IGF2BP1: variants seen among roughly 807,000 people sequenced by gnomAD.
IGF2BP1 encodes insulin like growth factor 2 mRNA binding protein 1.
A neutral mutation model predicts 74.9 loss-of-function variants in IGF2BP1; 11 were observed. That is an observed-to-expected ratio of 0.15 (90% CI 0.09 to 0.24). IGF2BP1 has a LOEUF of 0.24. IGF2BP1 is among the 10% of genes least tolerant of loss of function. The pLI is 1.00. For missense variants in IGF2BP1, 440 were observed against 757.4 expected, an observed-to-expected ratio of 0.58 and a Z score of 4.92; for synonymous variants, 287 against 281.8, an observed-to-expected ratio of 1.02 and a Z score of -0.18.
At chr17:49,019,300 G>A (rs76847569) in intron 2 of IGF2BP1, among the ~76,000 whole-genome samples, 8,263 of 152,106 alleles carry the variant, frequency 0.054, 285 homozygotes, top group Non-Finnish European at 0.086. Flanking sequence ...CTCCCTTGGA[G>A]CCCAAGCCCT....
chr17:49,043,502 G>A lies in IGF2BP1; in HGVS notation c.1152G>A (p.Pro384=), dbSNP rs1215165292. The change falls in exon 10 of 15, where the codon CCG becomes CCA. Residue 384 remains proline, a synonymous_variant. Coordinates refer to ENST00000290341, the MANE Select transcript of IGF2BP1 (RefSeq NM_006546.4). ...TCCCAGCTTCATCCAGCGCAGTCCC[G>A]CCGCCTCCCAGCAGCGTTACTGGGG... is the stretch of plus-strand genomic sequence containing the variant. ...GLFPASSSAV[P]PPPSSVTGAA... is the part of the protein sequence containing the mutation. 11 of 1,614,070 alleles carry A rather than the reference G, an allele frequency of 6.8e-6. No homozygotes were observed. Among genetic ancestry groups the A allele is most frequent in the South Asian group, 2.2e-5 (2 of 91,066 alleles).
chr17:49,035,877 C>A (rs533696334), intron 5 of IGF2BP1, among the ~76,000 whole-genome samples: 3 of 152,202 alleles, frequency 2.0e-5, no homozygotes, highest in African/African-American at 4.8e-5. Context: ...AAAGCCCCAA[C>A]TGGCTGGAAG....
At chr17:49,049,282 G>GACC in intron 14 of IGF2BP1, 70 bp from the exon 15 acceptor site, 1 of 1,288,706 alleles carries the variant, frequency 7.8e-7, no homozygotes, top group Non-Finnish European at 1.1e-6. Flanking sequence ...TGGACCTGAT[G>GACC]ACCTCTCTTC....
At chr17:49,003,994 A>G (rs1220945550) in intron 2 of IGF2BP1, among the ~76,000 whole-genome samples, 1 of 151,754 alleles carries the variant, frequency 6.6e-6, no homozygotes, top group Non-Finnish European at 1.5e-5. Context: ...AGAGAGAGAG[A>G]AAGTGGCGGC....
At chr17:49,043,077 G>A (rs770266734) in intron 9 of IGF2BP1, among the ~76,000 whole-genome samples, 1 of 152,074 alleles carries the variant, frequency 6.6e-6, no homozygotes, top group African/African-American at 2.4e-5. Context: ...CTGTCTCCAC[G>A]CCTTTTTCTC....
chr17:49,038,037 G>C lies in IGF2BP1; in HGVS notation c.402-131G>C, dbSNP rs1045168851. 5.9e-5 allele frequency: 43 copies of C among 724,540 alleles called. No individual in the cohort carries two copies. In the African/African-American group the frequency reaches 6.0e-4, roughly 10 times the overall value. The allele number at this position is 724,540 out of a possible 1,614,324, so 44.9% of individuals were successfully genotyped here. A position where few individuals can be genotyped will look rare whatever the true frequency, so the allele number is the denominator to read the frequency against. On this transcript the variant is annotated intron_variant, in intron 5 of 14. Coordinates refer to ENST00000290341, the MANE Select transcript of IGF2BP1 (RefSeq NM_006546.4). ...GTTGTGAAAAATGGAGGTGGAGGTA[G>C]TGGGCAGGTGACTATCTCCTTTTCT...
chr17:49,042,138 C>A, intron 8 of IGF2BP1, 104 bp from the exon 9 acceptor site: 1 of 1,452,616 alleles, frequency 6.9e-7, no homozygotes, highest in Admixed American at 2.0e-5. Flanking sequence ...GAATAGGCTG[C>A]AGAAATGGTG....
rs1598165175 is a variant in IGF2BP1, at chr17:49,052,715, A to C, written c.*3271A>C. 1 of 152,176 alleles carries C rather than the reference A, an allele frequency of 6.6e-6. No individual in the cohort carries two copies. The highest frequency in any genetic ancestry group is 2.1e-4 in the South Asian group (1 of 4,788). 9.4% of individuals were successfully genotyped at this position (152,176 alleles called of 1,614,324 possible). A position where few individuals can be genotyped will look rare whatever the true frequency, so the allele number is the denominator to read the frequency against. ...GCAACTCCTTGCCCTCCTGCTCAGC[A>C]CCTCCATTTCCCCATCCTTGGTGAG... On this transcript the variant is annotated 3_prime_UTR_variant, in exon 15 of 15. Coordinates refer to ENST00000290341, the MANE Select transcript of IGF2BP1 (RefSeq NM_006546.4).
chr17:49,040,680 T>C (rs2042041940), intron 7 of IGF2BP1, among the ~76,000 whole-genome samples: 1 of 152,268 alleles, frequency 6.6e-6, no homozygotes, highest in African/African-American at 2.4e-5. Flanking sequence ...CTGAACAGGC[T>C]GTTCTATACT....
At chr17:49,031,726 T>C (rs1438616215) in intron 4 of IGF2BP1, among the ~76,000 whole-genome samples, 184 bp from the exon 5 acceptor site, 1 of 152,128 alleles carries the variant, frequency 6.6e-6, no homozygotes, top group Non-Finnish European at 1.5e-5. Flanking sequence ...CAGGCTGGTC[T>C]CCTGGGCTCA....
At chr17:49,040,336 C>T (rs934708000) in intron 7 of IGF2BP1, among the ~76,000 whole-genome samples, 3 of 152,266 alleles carry the variant, frequency 2.0e-5, no homozygotes, top group South Asian at 4.1e-4. Context: ...CCGCCTCAGC[C>T]TTCTGAGTAG....
At chr17:49,031,493 T>G (rs904890320) in intron 4 of IGF2BP1, among the ~76,000 whole-genome samples, 1 of 151,950 alleles carries the variant, frequency 6.6e-6, no homozygotes, top group African/African-American at 2.4e-5. Flanking sequence ...GGTGTCCTTT[T>G]CTTTCTTCTT....
intron 1 of IGF2BP1, 124 bp from the exon 2 acceptor site, chr17:48,998,985 G>A (rs2041447493): frequency 4.6e-6 from 3 of 652,960 alleles, no homozygotes; most frequent in South Asian, 3.7e-5. Context: ...GCCACTGCCT[G>A]GATTCCTAGG....
chr17:49,019,942 A>T (rs894384574), intron 2 of IGF2BP1, among the ~76,000 whole-genome samples: 11 of 55,236 alleles, frequency 2.0e-4, no homozygotes, highest in African/African-American at 8.8e-4. Flanking sequence ...ATATATATAT[A>T]TATATATTTA....
intron 2 of IGF2BP1, among the ~76,000 whole-genome samples, chr17:49,015,508 C>G (rs963103341): frequency 2.0e-5 from 3 of 152,206 alleles, no homozygotes; most frequent in African/African-American, 7.2e-5. Context: ...GGGGACCTCC[C>G]CATCTCAGAT....
Position 49,034,745 on chromosome 17 carries a change from CACAAAAAAA to C in IGF2BP1, c.401+2793_401+2801del, listed in dbSNP as rs567304905. On this transcript the variant is annotated intron_variant, in intron 5 of 14. Coordinates refer to ENST00000290341, the MANE Select transcript of IGF2BP1 (RefSeq NM_006546.4). ...GAGTAAGACCCTGTCTCAAAAAAAA[CACAAAAAAA>C]ACAAAAAAAACAAAAAAAACGAAAA... Among the ~76,000 whole-genome samples the C allele has an allele frequency of 7.1e-3, 854 of 119,760 alleles. 19 individuals carry two copies. Among genetic ancestry groups the C allele is most frequent in the South Asian group, 0.034 (122 of 3,618 alleles). The allele number at this position is 119,760 out of a possible 152,430, so 78.6% of individuals were successfully genotyped here. A position where few individuals can be genotyped will look rare whatever the true frequency, so the allele number is the denominator to read the frequency against.
chr17:49,038,021 A>G lies in IGF2BP1; in HGVS notation c.402-147A>G, dbSNP rs2042008528. On this transcript the variant is annotated intron_variant, in intron 5 of 14. Coordinates refer to ENST00000290341, the MANE Select transcript of IGF2BP1 (RefSeq NM_006546.4). The stretch of plus-strand genomic sequence containing the variant: ...CCATTTAGACTGGAAAGTTGTGAAA[A>G]ATGGAGGTGGAGGTAGTGGGCAGGT... 1.3e-5 allele frequency: 8 copies of G among 600,708 alleles called. No homozygotes were observed. The South Asian group carries it at 4.6e-4, about 34-fold the overall frequency. The allele number at this position is 600,708 out of a possible 1,614,324, so 37.2% of individuals were successfully genotyped here.
chr17:49,025,586 T>G, intron 2 of IGF2BP1, 32 bp from the exon 3 acceptor site: 2 of 1,605,736 alleles, frequency 1.2e-6, no homozygotes, highest in East Asian at 4.5e-5. Context: ...TATTCAGAGC[T>G]TTCTTTAACT....
At chr17:49,047,651 G>A (rs923152770) in intron 14 of IGF2BP1, among the ~76,000 whole-genome samples, 1 of 151,774 alleles carries the variant, frequency 6.6e-6, no homozygotes, top group Non-Finnish European at 1.5e-5. Flanking sequence ...ATCAAGCCAG[G>A]GTTGATGGAG....
Sources: gnomAD v4.1 joint callset for allele counts (sites outside exome capture counted in the v4.1 genomes callset) on GRCh38, gnomAD v4.1.1 for gene constraint, MANE v1.5 for transcripts, NCBI Gene and HGNC (gene_info 2026-07-23, HGNC 2026-07-21) for gene names.